Variants in ATXN7 observed in about 807,000 individuals in gnomAD.
ATXN7 encodes the protein ataxin-7.
A neutral mutation model predicts 70.5 loss-of-function variants in ATXN7; 12 were observed. That is an observed-to-expected ratio of 0.17 (90% confidence interval 0.11 to 0.28). The LOEUF is 0.28. Among genes scored for constraint, ATXN7 ranks in the 10% least tolerant of loss-of-function variants. The pLI is 1.00. For missense variants in ATXN7, 1,256 were observed against 1,131.7 expected, an observed-to-expected ratio of 1.11 and a Z score of -1.58; for synonymous variants, 498 against 448.7, an observed-to-expected ratio of 1.11 and a Z score of -1.39.
Position 63,999,618 on chromosome 3 carries a change from T to A in ATXN7, c.*151T>A. Reference sequence around the variant, plus strand: ...GTAGAAACCTGCCGGGCTGTTGTTTTAACGAGGATTTCCCTGAAGCTATGT... The same window carrying A: ...GTAGAAACCTGCCGGGCTGTTGTTTAAACGAGGATTTCCCTGAAGCTATGT... On this transcript the variant is annotated 3_prime_UTR_variant, in exon 13 of 13. Coordinates refer to ENST00000674280, the MANE Select transcript of ATXN7 (RefSeq NM_001377405.1). 4 of 1,386,812 alleles carry A rather than the reference T, an allele frequency of 2.9e-6. No homozygotes were observed. The South Asian group carries it at 3.7e-5, about 13-fold the overall frequency. The allele number at this position is 1,386,812 out of a possible 1,614,324, so 85.9% of individuals were successfully genotyped here. A position where few individuals can be genotyped will look rare whatever the true frequency, so the allele number is the denominator to read the frequency against.
Position 63,936,533 on chromosome 3 carries a change from G to A in ATXN7, c.395-15846G>A, listed in dbSNP as rs112901674. Among the ~76,000 whole-genome samples the A allele has an allele frequency of 2.5e-3, 376 of 152,266 alleles. 1 individual carries two copies. Among genetic ancestry groups the A allele is most frequent in the African/African-American group, 8.0e-3 (332 of 41,552 alleles). On this transcript the variant is annotated intron_variant, in intron 4 of 12. Transcript: ENST00000674280. ...TCAGTTATATGTTAGGTGGTCTTAC[G>A]CTAGTCAAGAGACTGTCGTGTTTAC...
chr3:63,963,264 T>C (rs137981347), intron 5 of ATXN7, among the ~76,000 whole-genome samples: 36 of 152,336 alleles, frequency 2.4e-4, no homozygotes, highest in Middle Eastern at 3.4e-3. Context: ...TGCATTTTTG[T>C]AACACAAATT....
chr3:63,918,834 T>G (rs1377010575), intron 4 of ATXN7, among the ~76,000 whole-genome samples: 2 of 152,182 alleles, frequency 1.3e-5, no homozygotes, highest in African/African-American at 4.8e-5. Context: ...CAGCATCACC[T>G]CGTGCTTGTT....
At chr3:63,980,227 A>G in intron 6 of ATXN7, 60 bp downstream of exon 6, 1 of 1,596,438 alleles carries the variant, frequency 6.3e-7, no homozygotes, top group Non-Finnish European at 8.6e-7. Flanking sequence ...TGTGTACACT[A>G]GTGGCATGTG....
chr3:63,998,356 G>A (rs1455405590), intron 12 of ATXN7: 3 of 985,136 alleles, frequency 3.0e-6, no homozygotes, highest in Non-Finnish European at 3.6e-6. Context: ...ATATGTGTGT[G>A]TGTATATATA....
intron 9 of ATXN7, among the ~76,000 whole-genome samples, chr3:63,989,328 G>C (rs2075628791): frequency 1.3e-5 from 2 of 152,194 alleles, no homozygotes; most frequent in Non-Finnish European, 2.9e-5. Flanking sequence ...ACCATTGTAG[G>C]TGTAGGAAAA....
intron 1 of ATXN7, chr3:63,865,109 G>A (rs1702368094): frequency 6.6e-6 from 1 of 152,170 alleles, no homozygotes; most frequent in African/African-American, 2.4e-5. Flanking sequence ...AAACTTGGTT[G>A]TTTCACTTTC....
intron 4 of ATXN7, among the ~76,000 whole-genome samples, chr3:63,918,246 G>T (rs540796281): frequency 7.9e-5 from 12 of 152,280 alleles, no homozygotes; most frequent in African/African-American, 2.6e-4. Context: ...AACACAGACT[G>T]AGTCAACAGA....
At chr3:63,998,113 C>A in intron 12 of ATXN7, 1 of 984,590 alleles carries the variant, frequency 1.0e-6, no homozygotes, top group Non-Finnish European at 1.2e-6. Context: ...GCTGTAATGT[C>A]CATCTCACAT....
At chr3:63,949,704 G>T (rs977104151) in intron 4 of ATXN7, among the ~76,000 whole-genome samples, 6 of 152,076 alleles carry the variant, frequency 3.9e-5, no homozygotes, top group Non-Finnish European at 8.8e-5. Flanking sequence ...GGCCCAGGGA[G>T]CTCAGTTTCA....
At chr3:63,909,004 A>G (rs955185849) in intron 2 of ATXN7, among the ~76,000 whole-genome samples, 4 of 152,080 alleles carry the variant, frequency 2.6e-5, no homozygotes, top group African/African-American at 9.7e-5. Flanking sequence ...TGTTTCCCCT[A>G]CTTACTACTT....
rs996424018 is a variant in ATXN7, at chr3:63,961,118, A to G, written c.499+8635A>G. Among the ~76,000 whole-genome samples the G allele has an allele frequency of 2.6e-5, 4 of 152,322 alleles. No homozygotes were observed. The East Asian group carries it at 5.8e-4, about 22-fold the overall frequency. On this transcript the variant is annotated intron_variant, in intron 5 of 12. Transcript: ENST00000674280. ...CCTTCATCTTACTTTTCAGGGGTAC[A>G]GTTTGACATGTACTCTTGGAGGGTT...
intron 5 of ATXN7, among the ~76,000 whole-genome samples, chr3:63,956,601 A>G (rs1159267264): frequency 1.3e-5 from 2 of 152,034 alleles, no homozygotes; most frequent in Non-Finnish European, 2.9e-5. Flanking sequence ...ATTTCCAGAG[A>G]TAGAACCCAG....
intron 1 of ATXN7, among the ~76,000 whole-genome samples, chr3:63,867,638 T>A (rs1187883103): frequency 6.7e-6 from 1 of 149,940 alleles, no homozygotes; most frequent in Non-Finnish European, 1.5e-5. Context: ...GGCGGGTGGA[T>A]CATTTGAGGT....
Position 63,913,215 on chromosome 3 carries a change from C to G in ATXN7, c.384C>G (p.Leu128=), listed in dbSNP as rs749662779. The change falls in exon 4 of 13, where the codon CTC becomes CTG. Residue 128 remains leucine (L), a synonymous_variant. Coordinates refer to ENST00000674280, the MANE Select transcript of ATXN7 (RefSeq NM_001377405.1). ...EFGKNREVMG[L]CREDMPIFGF... is the part of the protein sequence containing the mutation. ...GGAAAAACCGCGAAGTCATGGGGCT[C>G]TGTCGGGAAGGTGAGTCCAGCCCCC... 1.2e-6 allele frequency: 2 copies of G among 1,613,916 alleles called. No homozygotes were observed. Among genetic ancestry groups the G allele is most frequent in the Non-Finnish European group, 1.7e-6 (2 of 1,179,952 alleles).
At chr3:63,889,480 CTTT>C (rs1703190837) in intron 1 of ATXN7, among the ~76,000 whole-genome samples, 1 of 152,138 alleles carries the variant, frequency 6.6e-6, no homozygotes, top group African/African-American at 2.4e-5. Context: ...TGTTAAGCTT[CTTT>C]GAATGTCTTA....
intron 1 of ATXN7, among the ~76,000 whole-genome samples, chr3:63,882,793 C>T (rs1559619145): frequency 6.6e-6 from 1 of 152,088 alleles, no homozygotes; most frequent in Non-Finnish European, 1.5e-5. Context: ...GAAAGTAAAA[C>T]TGGCAATTAA....
At chr3:63,979,870 T>G (rs368913407) in intron 5 of ATXN7, 45 bp from the exon 6 acceptor site, 2 of 1,604,854 alleles carry the variant, frequency 1.2e-6, no homozygotes, top group African/African-American at 1.3e-5. Flanking sequence ...ACATTTGAGA[T>G]TCGCCTAAAA....
At chr3:63,985,023 A>C (rs1232573326) in intron 8 of ATXN7, among the ~76,000 whole-genome samples, 1 of 152,214 alleles carries the variant, frequency 6.6e-6, no homozygotes, top group Non-Finnish European at 1.5e-5. Context: ...GTCTTCATCC[A>C]GTCACCTGTT....
Sources: gnomAD v4.1 joint callset for allele counts (sites outside exome capture counted in the v4.1 genomes callset) on GRCh38, gnomAD v4.1.1 for gene constraint, MANE v1.5 for transcripts, NCBI Gene and HGNC (gene_info 2026-07-23, HGNC 2026-07-21) for gene names.